Variants in FHIT observed in about 807,000 individuals in gnomAD.
FHIT encodes bis(5'-adenosyl)-triphosphatase.
FHIT carries 19 observed loss-of-function variants against 17.9 expected under a neutral mutation model. The observed-to-expected ratio is 1.06, with a 90% CI of 0.74 to 1.56. The LOEUF is 1.56. Ranked by LOEUF, FHIT falls within the 40% of genes most tolerant of loss-of-function variation. The pLI, the probability that FHIT is intolerant of heterozygous loss-of-function variation, is 0.00. For missense variants in FHIT, 248 were observed against 189.2 expected (o/e 1.31, Z -1.82); for synonymous variants, 81 against 69.7 (o/e 1.16, Z -0.81).
intron 5 of FHIT, among the ~76,000 whole-genome samples, chr3:60,454,440 A>G (rs1229855771): frequency 1.3e-5 from 2 of 149,436 alleles, no homozygotes; most frequent in African/African-American, 4.9e-5. Context: ...GCTGGAGTGC[A>G]CTCGCATGAT....
At chr3:60,786,803 A>AGAAT (rs781819888) in intron 4 of FHIT, among the ~76,000 whole-genome samples, 6 of 152,302 alleles carry the variant, frequency 3.9e-5, no homozygotes, top group East Asian at 3.9e-4. Context: ...TTGTGAATGA[A>AGAAT]GAATGAATGA....
At chr3:60,252,839 CA>C (rs529236133) in intron 5 of FHIT, among the ~76,000 whole-genome samples, 1,844 of 148,108 alleles carry the variant, frequency 0.012, 22 homozygotes, top group Middle Eastern at 0.035. Context: ...AAAAAAAATA[CA>C]AAAAAAAATT....
At chr3:59,873,883 C>G (rs684753) in intron 8 of FHIT, among the ~76,000 whole-genome samples, 25,984 of 152,042 alleles carry the variant, frequency 0.17, 2,333 homozygotes, top group Non-Finnish European at 0.19. Flanking sequence ...TTAAATCTCC[C>G]GAGACAGCAA....
chr3:60,103,182 T>G (rs1294671041), intron 5 of FHIT, among the ~76,000 whole-genome samples: 2 of 152,148 alleles, frequency 1.3e-5, no homozygotes, highest in African/African-American at 2.4e-5. Flanking sequence ...AGGAGACAGC[T>G]GTGTTTCTAG....
At chr3:60,059,609 T>A (rs1394097940) in intron 5 of FHIT, among the ~76,000 whole-genome samples, 1 of 152,208 alleles carries the variant, frequency 6.6e-6, no homozygotes, top group Non-Finnish European at 1.5e-5. Context: ...CAGTCTCTTT[T>A]CCTGCCTTAT....
chr3:60,712,719 A>G (rs2041571621), intron 4 of FHIT, among the ~76,000 whole-genome samples: 1 of 149,608 alleles, frequency 6.7e-6, no homozygotes, highest in African/African-American at 2.4e-5. Flanking sequence ...TTCAACAAGA[A>G]GAGCTAACTA....
intron 5 of FHIT, among the ~76,000 whole-genome samples, chr3:60,329,043 G>A (rs576432798): frequency 6.6e-6 from 1 of 152,166 alleles, no homozygotes; most frequent in Non-Finnish European, 1.5e-5. Flanking sequence ...GAAAATTACT[G>A]TCCCTTAGCA....
intron 1 of FHIT, among the ~76,000 whole-genome samples, chr3:61,210,459 G>T (rs1220340858): frequency 6.6e-6 from 1 of 152,204 alleles, no homozygotes; most frequent in African/African-American, 2.4e-5. Context: ...TCCACCCAGA[G>T]CGAGCTTCCT....
At chr3:60,456,067 A>G (rs1442404728) in intron 5 of FHIT, among the ~76,000 whole-genome samples, 1 of 152,160 alleles carries the variant, frequency 6.6e-6, no homozygotes, top group African/African-American at 2.4e-5. Context: ...GTGAGCTAGA[A>G]TATCTGAAAG....
At chr3:61,237,723 T>G (rs1434088270) in intron 1 of FHIT, among the ~76,000 whole-genome samples, 3 of 152,202 alleles carry the variant, frequency 2.0e-5, no homozygotes, top group African/African-American at 7.2e-5. Flanking sequence ...ATGATTTCAC[T>G]TGATTCTTAC....
chr3:60,281,249 T>C (rs1227838179), intron 5 of FHIT, among the ~76,000 whole-genome samples: 1 of 152,188 alleles, frequency 6.6e-6, no homozygotes, highest in Non-Finnish European at 1.5e-5. Context: ...GACTTGATAC[T>C]GTTATCGGTT....
chr3:60,770,233 G>A (rs1035873380), intron 4 of FHIT, among the ~76,000 whole-genome samples: 3 of 151,678 alleles, frequency 2.0e-5, no homozygotes, highest in Non-Finnish European at 4.4e-5. Flanking sequence ...AGTATGTTAA[G>A]TCAGAGCAAG....
chr3:60,291,960 T>C (rs955817200), intron 5 of FHIT, among the ~76,000 whole-genome samples: 1 of 152,144 alleles, frequency 6.6e-6, no homozygotes, highest in African/African-American at 2.4e-5. Context: ...TTCAGATTTT[T>C]GGCCTCCAGA....
intron 5 of FHIT, among the ~76,000 whole-genome samples, chr3:60,311,252 T>A (rs199965957): frequency 5.8e-5 from 3 of 51,292 alleles, no homozygotes; most frequent in African/African-American, 2.7e-4. Context: ...TACCCCAACG[T>A]GTGTGTGTGT....
intron 5 of FHIT, among the ~76,000 whole-genome samples, chr3:60,168,554 C>T (rs1559694009): frequency 6.6e-6 from 1 of 152,144 alleles, no homozygotes; most frequent in Non-Finnish European, 1.5e-5. Flanking sequence ...GCTCTGCCAG[C>T]ACAGGGTGGG....
At chr3:60,056,608 T>C (rs190432923) in intron 5 of FHIT, among the ~76,000 whole-genome samples, 1 of 152,358 alleles carries the variant, frequency 6.6e-6, no homozygotes, top group Non-Finnish European at 1.5e-5. Flanking sequence ...CCAACTCCCT[T>C]GCCAGCTGCT....
At chr3:61,038,174 C>G (rs890407132) in intron 3 of FHIT, among the ~76,000 whole-genome samples, 4 of 152,128 alleles carry the variant, frequency 2.6e-5, no homozygotes, top group Admixed American at 6.5e-5. Flanking sequence ...CTGCCAAAAC[C>G]AATGATGAAT....
intron 5 of FHIT, among the ~76,000 whole-genome samples, chr3:60,034,661 T>C (rs1033591376): frequency 6.6e-6 from 1 of 152,242 alleles, no homozygotes; most frequent in African/African-American, 2.4e-5. Flanking sequence ...CCTTATCCAG[T>C]ATGACTGTTA....
At chr3:60,403,455 T>G (rs1701737824) in intron 5 of FHIT, among the ~76,000 whole-genome samples, 1 of 152,072 alleles carries the variant, frequency 6.6e-6, no homozygotes, top group African/African-American at 2.4e-5. Flanking sequence ...AACAAAAGAC[T>G]CTTGGACCTT....
Sources: allele counts gnomAD v4.1 joint callset (sites outside exome capture counted in the v4.1 genomes callset), GRCh38; gene constraint gnomAD v4.1.1; transcripts MANE v1.5; gene names NCBI Gene and HGNC (gene_info 2026-07-23, HGNC 2026-07-21).